Variants in LRP1B observed in about 807,000 individuals in gnomAD.
The protein encoded by LRP1B is low-density lipoprotein receptor-related protein 1B.
In LRP1B, 217 loss-of-function variants were observed where a neutral mutation model predicts 556.6. The observed-to-expected ratio is 0.39, with a 90% CI of 0.35 to 0.44. The LOEUF is 0.44. Ranked by LOEUF, LRP1B falls within the 20% of genes least tolerant of loss-of-function variation. LRP1B has a pLI of 1.00. For missense variants in LRP1B, 5,053 were observed against 5,620.8 expected (o/e 0.90, Z 3.23); for synonymous variants, 2,047 against 1,865.8 (o/e 1.10, Z -2.50).
At chr2:141,751,015 T>C (rs903328818) in intron 2 of LRP1B, among the ~76,000 whole-genome samples, 1 of 152,110 alleles carries the variant, frequency 6.6e-6, no homozygotes, top group African/African-American at 2.4e-5. Context: ...TCACCAGTTA[T>C]TAAAATTTTA....
At chr2:140,763,336 TGAG>T (rs1401629209) in intron 35 of LRP1B, among the ~76,000 whole-genome samples, 3 of 152,210 alleles carry the variant, frequency 2.0e-5, no homozygotes, top group Non-Finnish European at 4.4e-5. Flanking sequence ...AATGTACCAC[TGAG>T]GAGAAGCCTC....
intron 3 of LRP1B, among the ~76,000 whole-genome samples, chr2:141,369,653 T>G (rs1689158538): frequency 6.6e-6 from 1 of 152,192 alleles, no homozygotes; most frequent in Non-Finnish European, 1.5e-5. Context: ...TCTGTTTTTA[T>G]TTTTATTTTC....
At chr2:140,509,601 C>T (rs553133113) in intron 52 of LRP1B, among the ~76,000 whole-genome samples, 23 of 152,148 alleles carry the variant, frequency 1.5e-4, no homozygotes, top group South Asian at 1.0e-3. Flanking sequence ...TGGTGGACGA[C>T]GCAAAAGAGA....
At chr2:141,207,039 T>C (rs1682316474) in intron 6 of LRP1B, among the ~76,000 whole-genome samples, 1 of 152,190 alleles carries the variant, frequency 6.6e-6, no homozygotes, top group Non-Finnish European at 1.5e-5. Flanking sequence ...GAAGCAGTAG[T>C]AGTGGGTTCT....
intron 14 of LRP1B, 56 bp from the exon 15 acceptor site, chr2:141,005,513 G>A (rs2105374278): frequency 5.7e-6 from 9 of 1,575,864 alleles, no homozygotes; most frequent in African/African-American, 1.3e-5. Context: ...TTCTTTCTAG[G>A]AGGTGAACAT....
intron 1 of LRP1B, among the ~76,000 whole-genome samples, chr2:142,129,584 TTCTCTCTCTCTC>T (rs56034357): frequency 0.093 from 12,489 of 134,712 alleles, 499 homozygotes; most frequent in East Asian, 0.13. Flanking sequence ...CTTTCTCTCT[TTCTCTCTCTCTC>T]TCTCTCTCTC....
intron 5 of LRP1B, among the ~76,000 whole-genome samples, chr2:141,230,518 GCTC>G (rs1473100888): frequency 6.6e-6 from 1 of 152,122 alleles, no homozygotes; most frequent in Non-Finnish European, 1.5e-5. Flanking sequence ...CCCTCAAAGG[GCTC>G]CTATTTTAAC....
intron 7 of LRP1B, among the ~76,000 whole-genome samples, chr2:141,087,989 A>G (rs1700087652): frequency 6.6e-6 from 1 of 152,214 alleles, no homozygotes; most frequent in South Asian, 2.1e-4. Context: ...TATGGAATAG[A>G]GCACAACTTA....
In LRP1B at chr2:140,541,064, G is replaced by A. The variant is rs568896640; in HGVS notation, c.7422C>T (p.Gly2474=). ...GAGTTAAAAGGCACAAGTCATGGCA[G>A]CCTCCATTCAATAATGCACATGGAG... is the stretch of plus-strand genomic sequence containing the variant. ...ELSPCALLNG[G]CHDLCLLTPN... The change falls in exon 45 of 91, where the codon GGC becomes GGT. Residue 2474 remains glycine, a synonymous_variant. Transcript: ENST00000389484. The A allele has an allele frequency of 8.1e-6, 13 of 1,610,890 alleles. No individual in the cohort carries two copies. In the African/African-American group the frequency reaches 1.2e-4, roughly 15 times the overall value.
intron 3 of LRP1B, among the ~76,000 whole-genome samples, chr2:141,345,514 G>A (rs1252116156): frequency 6.6e-6 from 1 of 151,722 alleles, no homozygotes; most frequent in African/African-American, 2.4e-5. Context: ...AGAGAGACTG[G>A]GTCTTGGTCT....
intron 62 of LRP1B, 96 bp downstream of exon 62, chr2:140,456,359 C>T (rs371795064): frequency 1.6e-6 from 2 of 1,217,066 alleles, no homozygotes; most frequent in Non-Finnish European, 2.2e-6. Flanking sequence ...GTGACCATCT[C>T]TACAATGTAT....
chr2:140,761,666 C>G (rs1450978104), intron 35 of LRP1B, among the ~76,000 whole-genome samples: 1 of 152,084 alleles, frequency 6.6e-6, no homozygotes, highest in Non-Finnish European at 1.5e-5. Context: ...ATTCAACAAC[C>G]TGCAAGGAAC....
intron 2 of LRP1B, among the ~76,000 whole-genome samples, chr2:141,690,404 T>TATATATATAC (rs1558806549): frequency 4.9e-5 from 1 of 20,470 alleles, no homozygotes; most frequent in African/African-American, 1.8e-4. Flanking sequence ...TAAATATATA[T>TATATATATAC]ATATATATAT....
intron 23 of LRP1B, among the ~76,000 whole-genome samples, chr2:140,901,698 G>T (rs1450342065): frequency 1.3e-5 from 2 of 152,096 alleles, no homozygotes; most frequent in Non-Finnish European, 2.9e-5. Flanking sequence ...GTTTCAAAAA[G>T]TATAGATGAG....
intron 2 of LRP1B, among the ~76,000 whole-genome samples, chr2:141,789,226 AG>A (rs1192025816): frequency 6.6e-6 from 1 of 151,948 alleles, no homozygotes; most frequent in African/African-American, 2.4e-5. Context: ...GTTTTATAGG[AG>A]GGGGGTGTCC....
chr2:140,350,524 T>C (rs1260511343), intron 77 of LRP1B, among the ~76,000 whole-genome samples: 1 of 152,058 alleles, frequency 6.6e-6, no homozygotes, highest in African/African-American at 2.4e-5. Flanking sequence ...CACTATGAAA[T>C]AGATGTTCTG....
chr2:142,104,225 G>C (rs1013630549), intron 1 of LRP1B, among the ~76,000 whole-genome samples: 1 of 152,052 alleles, frequency 6.6e-6, no homozygotes, highest in African/African-American at 2.4e-5. Context: ...TGGAAGGAAG[G>C]ATTTGTTTTA....
chr2:140,259,177 G>C (rs1681823076), intron 86 of LRP1B, among the ~76,000 whole-genome samples: 1 of 152,004 alleles, frequency 6.6e-6, no homozygotes, highest in Non-Finnish European at 1.5e-5. Context: ...ATTTCTCCTT[G>C]CCTCATCTTT....
At chr2:141,469,486 C>T (rs992193160) in intron 3 of LRP1B, among the ~76,000 whole-genome samples, 11 of 127,700 alleles carry the variant, frequency 8.6e-5, no homozygotes, top group Admixed American at 3.1e-4. Context: ...ATTCCATTTT[C>T]CATGAGGGCC....
Sources: allele counts gnomAD v4.1 joint callset (sites outside exome capture counted in the v4.1 genomes callset), GRCh38; gene constraint gnomAD v4.1.1; transcripts MANE v1.5; gene names NCBI Gene and HGNC (gene_info 2026-07-23, HGNC 2026-07-21).